Variants in OPN5 observed in about 807,000 individuals in gnomAD.
OPN5 encodes the protein opsin-5.
In OPN5, 18 loss-of-function variants were observed where a neutral mutation model predicts 41.7. That is an observed-to-expected ratio of 0.43 (90% CI 0.30 to 0.64). The LOEUF (loss-of-function observed/expected upper bound fraction) is 0.64. OPN5 is among the 30% of genes least tolerant of loss of function. The pLI is 0.13. For synonymous variants in OPN5, 178 were observed against 164.3 expected, an observed-to-expected ratio of 1.08 and a Z score of -0.64; for missense variants, 318 against 434.5, an observed-to-expected ratio of 0.73 and a Z score of 2.38.
chr6:47,820,904 A>G lies in OPN5; in HGVS notation c.1057-3079A>G, dbSNP rs187043925. On this transcript the variant is annotated intron_variant, in intron 6 of 6. Transcript: ENST00000371211. ...ACTGTTGACCGGAAGCCTTACCAAG[A>G]ACAGAAACAGTCGATAAACACATAT... Among the ~76,000 whole-genome samples the G allele has an allele frequency of 2.7e-3, 417 of 152,342 alleles. 9 individuals carry two copies. The highest frequency in any genetic ancestry group is 0.016 in the East Asian group (82 of 5,186).
chr6:47,783,199 A>G (rs1014140797), intron 1 of OPN5, among the ~76,000 whole-genome samples: 3 of 152,140 alleles, frequency 2.0e-5, no homozygotes, highest in African/African-American at 7.2e-5. Context: ...TAATTTAACC[A>G]CCTATTTAAA....
intron 6 of OPN5, among the ~76,000 whole-genome samples, chr6:47,813,575 TAGGG>T (rs949306954): frequency 3.3e-5 from 5 of 152,064 alleles, no homozygotes; most frequent in South Asian, 2.1e-4. Flanking sequence ...ATGACGGTGA[TAGGG>T]AGACCATTCA....
intron 4 of OPN5, 104 bp from the exon 5 acceptor site, chr6:47,808,050 C>G: frequency 1.9e-6 from 2 of 1,034,914 alleles, no homozygotes; most frequent in Non-Finnish European, 1.5e-6. Flanking sequence ...GACAGACTTT[C>G]TTGGCTGTGA....
At chr6:47,800,266 G>T (rs1039688021) in intron 4 of OPN5, among the ~76,000 whole-genome samples, 1 of 152,204 alleles carries the variant, frequency 6.6e-6, no homozygotes, top group African/African-American at 2.4e-5. Flanking sequence ...TTCATCCAAA[G>T]TTTGTAAGTG....
At chr6:47,782,314 G>T in intron 1 of OPN5, 118 bp downstream of exon 1, 1 of 887,494 alleles carries the variant, frequency 1.1e-6, no homozygotes, top group Non-Finnish European at 1.7e-6. Flanking sequence ...GGCGAAGAGT[G>T]GGGAAAGGCA....
At position 47,786,469 on chromosome 6, in the gene OPN5, T is replaced by C. The variant is rs151218202; in HGVS notation, c.131-46T>C. On this transcript the variant is annotated intron_variant, in intron 1 of 6. Coordinates refer to ENST00000371211, the Ensembl canonical transcript of OPN5. ...AGAAGTGTTTCATATCTGAGTGAAC[T>C]CGAAATCTTAGTTTTAACGATTGGA... 192 of 1,571,240 alleles carry C rather than the reference T, an allele frequency of 1.2e-4. No homozygotes were observed. The African/African-American group carries it at 2.5e-3, about 20-fold the overall frequency.
At chr6:47,817,850 G>A (rs1342131441) in intron 6 of OPN5, among the ~76,000 whole-genome samples, 1 of 152,084 alleles carries the variant, frequency 6.6e-6, no homozygotes, top group Non-Finnish European at 1.5e-5. Context: ...TCTAAGGTAT[G>A]TTTCACCCTC....
chr6:47,803,802 T>C lies in OPN5; in HGVS notation c.757-4352T>C, dbSNP rs368666310. On this transcript the variant is annotated intron_variant, in intron 4 of 6. Coordinates refer to ENST00000371211, the Ensembl canonical transcript of OPN5. ...CTCTGAAATAGTTGTTCCTAGAAAA[T>C]CAGCGATTCTGCCCCACTCACACTG... Among the ~76,000 whole-genome samples the C allele has an allele frequency of 1.1e-4, 16 of 152,112 alleles. No individual in the cohort carries two copies. The South Asian group carries it at 1.5e-3, about 14-fold the overall frequency.
At chr6:47,807,776 A>T (rs1459112275) in intron 4 of OPN5, among the ~76,000 whole-genome samples, 2 of 152,088 alleles carry the variant, frequency 1.3e-5, no homozygotes, top group Admixed American at 6.6e-5. Context: ...TTAAAATTTC[A>T]TCAAGGTGAA....
chr6:47,805,234 G>A lies in OPN5; in HGVS notation c.757-2920G>A, dbSNP rs577679846. Among the ~76,000 whole-genome samples, 3 of 152,260 alleles carry A rather than the reference G, an allele frequency of 2.0e-5. No homozygotes were observed. The East Asian group carries it at 5.8e-4, about 29-fold the overall frequency. On this transcript the variant is annotated intron_variant, in intron 4 of 6. Coordinates refer to ENST00000371211, the Ensembl canonical transcript of OPN5. Reference sequence around the variant, plus strand: ...GTAAGCTTCGTAGAAAGATAGGAAAGCAAGTCCAACAGGAGAGCTGCGTGT... The same window carrying A: ...GTAAGCTTCGTAGAAAGATAGGAAAACAAGTCCAACAGGAGAGCTGCGTGT...
At chr6:47,825,823 C>G (rs900124168), downstream of OPN5, 1 of 152,104 alleles carries the variant, frequency 6.6e-6, no homozygotes, top group Non-Finnish European at 1.5e-5. Flanking sequence ...CTGGATGACC[C>G]AGTTGGGTTC....
chr6:47,818,424 A>G (rs1366580844), intron 6 of OPN5, among the ~76,000 whole-genome samples: 1 of 152,204 alleles, frequency 6.6e-6, no homozygotes, highest in Non-Finnish European at 1.5e-5. Flanking sequence ...CGACATTTCC[A>G]GAAAGTGGAG....
At chr6:47,787,042 T>G in intron 2 of OPN5, 1 of 989,256 alleles carries the variant, frequency 1.0e-6, no homozygotes, top group South Asian at 4.6e-5. Context: ...CAAAGGAATC[T>G]TGAAGGGTAA....
intron 3 of OPN5, 104 bp downstream of exon 3, chr6:47,792,076 C>T: frequency 1.1e-5 from 8 of 746,528 alleles, no homozygotes; most frequent in South Asian, 1.9e-5. Flanking sequence ...TATGAATAAC[C>T]TCAGAGATCA....
chr6:47,786,336 G>T (rs1253918436), intron 1 of OPN5, among the ~76,000 whole-genome samples, 179 bp from the exon 2 acceptor site: 2 of 152,058 alleles, frequency 1.3e-5, no homozygotes, highest in Non-Finnish European at 2.9e-5. Flanking sequence ...TGCCCCATTG[G>T]CCTGTCACTC....
chr6:47,800,557 C>T (rs1490026845), intron 4 of OPN5, among the ~76,000 whole-genome samples: 2 of 152,174 alleles, frequency 1.3e-5, no homozygotes, highest in African/African-American at 4.8e-5. Flanking sequence ...ATCTTGTAAC[C>T]TCCAGAATAA....
chr6:47,808,124 A>G (rs2113985881), intron 4 of OPN5, 30 bp from the exon 5 acceptor site: 2 of 1,612,644 alleles, frequency 1.2e-6, no homozygotes, highest in Non-Finnish European at 1.7e-6. Flanking sequence ...AGTCATCTTG[A>G]TTCTTTTCTC....
intron 1 of OPN5, 76 bp downstream of exon 1, chr6:47,782,272 G>T: frequency 1.4e-6 from 2 of 1,437,006 alleles, no homozygotes; most frequent in Non-Finnish European, 1.9e-6. Context: ...TTTGTGAAAG[G>T]ATTCTGATAC....
intron 4 of OPN5, among the ~76,000 whole-genome samples, chr6:47,802,211 A>C (rs1191244780): frequency 2.0e-5 from 3 of 152,142 alleles, no homozygotes; most frequent in Non-Finnish European, 4.4e-5. Flanking sequence ...ATGATATGGC[A>C]TCTAGGGGCA....
Sources: gnomAD v4.1 joint callset for allele counts (sites outside exome capture counted in the v4.1 genomes callset) on GRCh38, gnomAD v4.1.1 for gene constraint, MANE v1.5 for transcripts, NCBI Gene and HGNC (gene_info 2026-07-23, HGNC 2026-07-21) for gene names.